The following IPO7 variants were observed in gnomAD, a reference collection of about 807,000 sequenced individuals.
The protein encoded by IPO7 is importin-7.
In IPO7, 13 loss-of-function variants were observed where a neutral mutation model predicts 136.4. The observed-to-expected ratio is 0.10, with a 90% confidence interval of 0.06 to 0.15. The LOEUF (loss-of-function observed/expected upper bound fraction) is 0.15, where lower values mean the gene tolerates loss of function less well. Among genes scored for constraint, IPO7 ranks in the 10% least tolerant of loss-of-function variants. The pLI, the probability that IPO7 is intolerant of heterozygous loss-of-function variation, is 1.00. For synonymous variants in IPO7, 403 were observed against 404.4 expected (o/e 1.00, Z 0.04); for missense variants, 857 against 1,240.6 (o/e 0.69, Z 4.65).
chr11:9,401,529 T>A, intron 1 of IPO7, among the ~76,000 whole-genome samples: 1 of 139,250 alleles, frequency 7.2e-6, no homozygotes. Flanking sequence ...ACCTGATACC[T>A]AACAACAATG....
At chr11:9,429,877 A>C in intron 15 of IPO7, 43 bp downstream of exon 15, 1 of 1,441,478 alleles carries the variant, frequency 6.9e-7, no homozygotes, top group Middle Eastern at 1.9e-4. Flanking sequence ...ATTTTAATGT[A>C]GCTCTCAGTA....
At chr11:9,404,154 CT>C (rs1341005344) in intron 2 of IPO7, among the ~76,000 whole-genome samples, 12 of 152,308 alleles carry the variant, frequency 7.9e-5, no homozygotes, top group East Asian at 1.9e-4. Context: ...TTCTTTCCCC[CT>C]GCACCTATTT....
At chr11:9,439,586 T>C (rs1306655728) in intron 22 of IPO7, among the ~76,000 whole-genome samples, 1 of 151,794 alleles carries the variant, frequency 6.6e-6, no homozygotes, top group African/African-American at 2.4e-5. Context: ...TTTTTTTTTG[T>C]TGTTGTTGTT....
rs1286297120 is a variant in IPO7 at position 9,440,498 on chromosome 11, A to T, written c.2739A>T (p.Gln913His). ...SDEDDIDEDG[Q>H]EYLEILAKQA... ...AAGATGATATTGATGAAGATGGGCAAGAATATTTGGAGATTCTGGCTAAGC... is the reference window on the plus strand; with the variant it reads ...AAGATGATATTGATGAAGATGGGCATGAATATTTGGAGATTCTGGCTAAGC... Residue 913 changes from glutamine to histidine, a missense_variant, in exon 23 of 25, where the codon CAA becomes CAT. By Grantham distance (24) the Gln-to-His change is conservative. Transcript: ENST00000379719. The T allele has an allele frequency of 1.9e-6, 3 of 1,613,998 alleles. No individual in the cohort carries two copies. Among genetic ancestry groups the T allele is most frequent in the Non-Finnish European group, 2.5e-6 (3 of 1,179,974 alleles).
At chr11:9,388,143 G>A (rs1359640552) in intron 1 of IPO7, among the ~76,000 whole-genome samples, 6 of 151,382 alleles carry the variant, frequency 4.0e-5, no homozygotes, top group South Asian at 4.2e-4. Context: ...GCGAAACTGC[G>A]TCTCAAAAAA....
chr11:9,419,303 A>C (rs1475821929), intron 6 of IPO7, among the ~76,000 whole-genome samples: 3 of 151,802 alleles, frequency 2.0e-5, no homozygotes, highest in Non-Finnish European at 4.4e-5. Flanking sequence ...TAATCACAGC[A>C]CTTTGGGAGG....
chr11:9,399,250 G>A (rs10770029), intron 1 of IPO7, among the ~76,000 whole-genome samples: 105,058 of 150,756 alleles, frequency 0.7, 37,719 homozygotes, highest in Non-Finnish European at 0.8. Context: ...CACAACCTCT[G>A]TCTCCGGGTT....
At position 9,433,606 on chromosome 11, in the gene IPO7, A is replaced by G. The variant is rs951297844; in HGVS notation, c.1918A>G (p.Ile640Val). 6.2e-7 allele frequency: 1 copy of G among 1,612,642 alleles called. No individual in the cohort carries two copies. The highest frequency in any genetic ancestry group is 1.1e-5 in the South Asian group (1 of 91,006). The stretch of plus-strand genomic sequence containing the variant: ...GCTTGAGGGAATCTGCTTACAGGTC[A>G]TTGGTACTGTTTTACAACAGCATGT... ...QQLEGICLQV[I>V]GTVLQQHVLE... The change falls in exon 17 of 25, where the codon ATT (isoleucine) becomes GTT (valine). Residue 640 changes from isoleucine to valine, a missense_variant. Coordinates refer to ENST00000379719, the MANE Select transcript of IPO7 (RefSeq NM_006391.3).
At chr11:9,413,496 T>C (rs918815806) in intron 4 of IPO7, among the ~76,000 whole-genome samples, 19 of 151,988 alleles carry the variant, frequency 1.3e-4, no homozygotes, top group East Asian at 1.2e-3. Context: ...TTATTATTTA[T>C]AATTTATACA....
intron 1 of IPO7, among the ~76,000 whole-genome samples, chr11:9,394,710 A>G (rs559557809): frequency 3.1e-4 from 47 of 152,284 alleles, no homozygotes; most frequent in Admixed American, 1.6e-3. Context: ...AATTTTACTT[A>G]TTAGCCCAAT....
At chr11:9,439,640 A>G (rs748333369) in intron 22 of IPO7, among the ~76,000 whole-genome samples, 6 of 151,586 alleles carry the variant, frequency 4.0e-5, no homozygotes, top group South Asian at 2.1e-4. Flanking sequence ...TGCAATGGCA[A>G]TCTTGGCTCA....
intron 1 of IPO7, among the ~76,000 whole-genome samples, chr11:9,388,008 G>A (rs1345824763): frequency 3.4e-5 from 5 of 148,902 alleles, no homozygotes; most frequent in African/African-American, 7.4e-5. Flanking sequence ...TTAGCTGGGC[G>A]TGGTGGCGCA....
chr11:9,442,813 G>T (rs879477479), intron 24 of IPO7, among the ~76,000 whole-genome samples: 5 of 151,726 alleles, frequency 3.3e-5, no homozygotes, highest in African/African-American at 1.2e-4. Flanking sequence ...GCCTGAGCTC[G>T]GGAGTTTGAG....
At chr11:9,431,540 A>G (rs1413618159) in intron 16 of IPO7, among the ~76,000 whole-genome samples, 1 of 151,994 alleles carries the variant, frequency 6.6e-6, no homozygotes, top group African/African-American at 2.4e-5. Context: ...CTGACCCTGA[A>G]ATTGTTTTTC....
intron 20 of IPO7, among the ~76,000 whole-genome samples, chr11:9,437,411 C>T (rs917119955): frequency 5.5e-5 from 8 of 146,736 alleles, no homozygotes; most frequent in African/African-American, 1.5e-4. Flanking sequence ...CCCGCCACCA[C>T]GCCTGGCTAA....
chr11:9,424,685 A>G (rs1163150992), intron 10 of IPO7, among the ~76,000 whole-genome samples: 1 of 152,164 alleles, frequency 6.6e-6, no homozygotes, highest in African/African-American at 2.4e-5. Flanking sequence ...GGAGGTTACA[A>G]TGAGCCGAGA....
At position 9,420,684 on chromosome 11, in the gene IPO7, G is replaced by A. The variant is rs753766118; in HGVS notation, c.892G>A (p.Val298Ile). The part of the protein sequence containing the change: ...FAEVFLKAFA[V>I]GVQQVLLKVL... The stretch of plus-strand genomic sequence containing the variant: ...TGAAGTATTTCTGAAGGCATTTGCT[G>A]TTGGTGTCCAGCAAGTAAGTCTGTT... The change falls in exon 8 of 25, where the codon GTT becomes ATT. Residue 298 changes from valine (V) to isoleucine (I), a missense_variant. This residue lies in a region of IPO7 where 287 missense variants were observed against 307.5 expected (regional missense o/e 0.93). Coordinates refer to ENST00000379719, the MANE Select transcript of IPO7 (RefSeq NM_006391.3). 6.2e-7 allele frequency: 1 copy of A among 1,610,762 alleles called. No homozygotes were observed. Among genetic ancestry groups the A allele is most frequent in the Non-Finnish European group, 8.5e-7 (1 of 1,177,176 alleles).
At chr11:9,411,086 G>T (rs1564996116) in intron 4 of IPO7, among the ~76,000 whole-genome samples, 1 of 152,132 alleles carries the variant, frequency 6.6e-6, no homozygotes, top group Non-Finnish European at 1.5e-5. Flanking sequence ...TACAGTTCTG[G>T]TAAGTGAGTG....
chr11:9,433,867 A>G, intron 18 of IPO7, 21 bp downstream of exon 18: 1 of 1,601,660 alleles, frequency 6.2e-7, no homozygotes, highest in Non-Finnish European at 8.5e-7. Flanking sequence ...GCAGCATGGA[A>G]ATACTGAGGG....
Sources: gnomAD v4.1 joint callset for allele counts (sites outside exome capture counted in the v4.1 genomes callset) on GRCh38, gnomAD v4.1.1 for gene constraint, gnomAD v4.1.1 regional missense constraint, MANE v1.5 for transcripts, NCBI Gene and HGNC (gene_info 2026-07-23, HGNC 2026-07-21) for gene names.